Variants in NCKAP5 observed in about 807,000 individuals in gnomAD.
The protein encoded by NCKAP5 is nck-associated protein 5.
NCKAP5 carries 92 observed loss-of-function variants against 167.0 expected under a neutral mutation model. The ratio of observed to expected loss-of-function variants is 0.55; its 90% CI spans 0.47 to 0.66. NCKAP5 has a LOEUF of 0.66. Ranked by LOEUF, NCKAP5 falls within the 30% of genes least tolerant of loss-of-function variation. The pLI, the probability that NCKAP5 is intolerant of heterozygous loss-of-function variation, is 0.00. For synonymous variants in NCKAP5, 891 were observed against 877.4 expected (o/e 1.02, Z -0.27); for missense variants, 2,378 against 2,315.0 (o/e 1.03, Z -0.56).
chr2:132,992,810 C>T (rs2077484802), intron 7 of NCKAP5, among the ~76,000 whole-genome samples: 3 of 152,160 alleles, frequency 2.0e-5, no homozygotes, highest in Admixed American at 2.0e-4. Context: ...TTTCCACTGT[C>T]TCTATGAAGC....
chr2:133,030,901 T>C (rs1304479519), intron 6 of NCKAP5, among the ~76,000 whole-genome samples: 1 of 152,148 alleles, frequency 6.6e-6, no homozygotes, highest in Non-Finnish European at 1.5e-5. Flanking sequence ...CTTCCTTGGC[T>C]TGTGGCTGCA....
intron 3 of NCKAP5, among the ~76,000 whole-genome samples, chr2:133,487,494 G>A (rs895900161): frequency 1.4e-4 from 21 of 152,260 alleles, no homozygotes; most frequent in African/African-American, 4.8e-4. Flanking sequence ...CCATAGAATG[G>A]TCAGGGGGTG....
chr2:132,710,864 A>G (rs928914421), intron 19 of NCKAP5, among the ~76,000 whole-genome samples: 3 of 152,058 alleles, frequency 2.0e-5, no homozygotes, highest in African/African-American at 7.2e-5. Flanking sequence ...ATTTTATGGC[A>G]CTGAAGTGAC....
At chr2:133,361,425 C>G (rs997919157) in intron 3 of NCKAP5, among the ~76,000 whole-genome samples, 1 of 152,180 alleles carries the variant, frequency 6.6e-6, no homozygotes, top group Admixed American at 6.5e-5. Flanking sequence ...CATGGTTTCA[C>G]AAAGTCTCAA....
At chr2:133,424,876 C>T (rs1247714364) in intron 3 of NCKAP5, among the ~76,000 whole-genome samples, 1 of 152,148 alleles carries the variant, frequency 6.6e-6, no homozygotes, top group Non-Finnish European at 1.5e-5. Context: ...CATAAAAACA[C>T]TTGATACAGT....
At chr2:133,363,702 A>T (rs1559418575) in intron 3 of NCKAP5, among the ~76,000 whole-genome samples, 1 of 152,132 alleles carries the variant, frequency 6.6e-6, no homozygotes, top group African/African-American at 2.4e-5. Context: ...TGTTAAAGAC[A>T]TGCCAATCTC....
chr2:133,302,869 T>C (rs890271321), intron 4 of NCKAP5, among the ~76,000 whole-genome samples, 168 bp downstream of exon 4: 24 of 152,180 alleles, frequency 1.6e-4, no homozygotes, highest in Admixed American at 6.5e-5. Context: ...GCTCTAGTTT[T>C]CACATTACAA....
rs62178924 is a variant in NCKAP5, at chr2:133,030,371, G to A, written c.342-36132C>T. Reference sequence around the variant, plus strand: ...AGGCCAAGGGAGCAGCCCAGCCGCCGTGTTTGTCTCTATCTGACCACGCCT... The same window carrying A: ...AGGCCAAGGGAGCAGCCCAGCCGCCATGTTTGTCTCTATCTGACCACGCCT... On this transcript the variant is annotated intron_variant, in intron 6 of 19. Transcript: ENST00000409261. 2.4e-3 allele frequency among the ~76,000 whole-genome samples: 373 copies of A among 152,282 alleles called. 2 individuals carry two copies. The highest frequency in any genetic ancestry group is 3.5e-3 in the Non-Finnish European group (235 of 68,022).
At chr2:133,320,428 A>G (rs928973904) in intron 3 of NCKAP5, among the ~76,000 whole-genome samples, 2 of 152,120 alleles carry the variant, frequency 1.3e-5, no homozygotes, top group African/African-American at 4.8e-5. Context: ...TTGCCAGGCT[A>G]TGTAATAATT....
At chr2:133,649,268 T>C in the NCKAP5 span, among the ~76,000 whole-genome samples, 1 of 150,488 alleles carries the variant, frequency 6.6e-6, no homozygotes, top group Non-Finnish European at 1.5e-5. Flanking sequence ...AAAGAAAAGT[T>C]CAGGACCAGA....
intron 2 of NCKAP5, among the ~76,000 whole-genome samples, chr2:133,529,940 AT>A (rs928190935): frequency 1.3e-5 from 2 of 152,090 alleles, no homozygotes; most frequent in African/African-American, 4.8e-5. Context: ...CATTGCAAAT[AT>A]TTTCCCCCCA....
At chr2:133,046,333 A>G (rs970220914) in intron 6 of NCKAP5, among the ~76,000 whole-genome samples, 8 of 151,006 alleles carry the variant, frequency 5.3e-5, no homozygotes, top group Non-Finnish European at 1.2e-4. Context: ...TTCTTGAAAC[A>G]AATAGCTCAA....
intron 6 of NCKAP5, among the ~76,000 whole-genome samples, chr2:133,115,051 T>G (rs1559153159): frequency 6.6e-6 from 1 of 152,186 alleles, no homozygotes; most frequent in Non-Finnish European, 1.5e-5. Context: ...GTTACAGGTC[T>G]TAAAGACAGA....
chr2:133,338,265 C>T (rs979835204), intron 3 of NCKAP5, among the ~76,000 whole-genome samples: 2 of 152,160 alleles, frequency 1.3e-5, no homozygotes, highest in African/African-American at 4.8e-5. Context: ...ACATGCTATT[C>T]TCTAAGGCTC....
At chr2:133,440,380 A>G (rs1470052329) in intron 3 of NCKAP5, among the ~76,000 whole-genome samples, 1 of 152,124 alleles carries the variant, frequency 6.6e-6, no homozygotes, top group East Asian at 1.9e-4. Flanking sequence ...CTCCATCCAC[A>G]GTCATTCTGT....
intron 11 of NCKAP5, among the ~76,000 whole-genome samples, chr2:132,846,541 G>A (rs756328239): frequency 6.6e-6 from 1 of 152,080 alleles, no homozygotes; most frequent in African/African-American, 2.4e-5. Flanking sequence ...CTAACCTCAG[G>A]TGATCCACCT....
intron 16 of NCKAP5, among the ~76,000 whole-genome samples, chr2:132,737,928 C>T (rs780623295): frequency 9.2e-5 from 14 of 152,178 alleles, no homozygotes; most frequent in Admixed American, 1.3e-4. Context: ...ACTTCCCAGG[C>T]GTCTGACTCT....
chr2:133,372,373 C>T (rs568911132), intron 3 of NCKAP5, among the ~76,000 whole-genome samples: 11 of 152,236 alleles, frequency 7.2e-5, no homozygotes, highest in African/African-American at 2.4e-4. Context: ...GATTTTATCC[C>T]ATGGGAAAAA....
At chr2:133,205,893 G>A (rs2085929084) in intron 5 of NCKAP5, among the ~76,000 whole-genome samples, 1 of 152,092 alleles carries the variant, frequency 6.6e-6, no homozygotes, top group Admixed American at 6.5e-5. Context: ...TCTAAGGGCT[G>A]ATGATTGATA....
Sources: gnomAD v4.1 joint callset for allele counts (sites outside exome capture counted in the v4.1 genomes callset) on GRCh38, gnomAD v4.1.1 for gene constraint, MANE v1.5 for transcripts, NCBI Gene and HGNC (gene_info 2026-07-23, HGNC 2026-07-21) for gene names.